The following EPG5 variants were observed in gnomAD, a reference collection of about 807,000 sequenced individuals.
The protein encoded by EPG5 is ectopic P-granules 5 autophagy tethering factor, also known as ectopic P granules protein 5 homolog.
A neutral mutation model predicts 302.7 loss-of-function variants in EPG5; 159 were observed. That is an observed-to-expected ratio of 0.53 (90% CI 0.46 to 0.60). EPG5 has a LOEUF of 0.60. Ranked by LOEUF, EPG5 falls within the 20% of genes least tolerant of loss-of-function variation. The probability of loss-of-function intolerance (pLI) is 0.00; values close to 1 mark genes in which losing one functional copy is unlikely to be tolerated. For synonymous variants in EPG5, 1,158 were observed against 1,136.8 expected (o/e 1.02, Z -0.37); for missense variants, 2,896 against 3,092.4 (o/e 0.94, Z 1.51).
rs1348990806 is a variant in EPG5, at chr18:45,847,679, C to T, written c.*4788G>A. On this transcript the variant is annotated 3_prime_UTR_variant, in exon 44 of 44. Transcript: ENST00000282041. The stretch of plus-strand genomic sequence containing the variant: ...AGTTGTCATTTCTTCCTGTTTCTCA[C>T]CATTATATAAAAACTTACCCTTTGT... 5 of 152,540 alleles carry T rather than the reference C, an allele frequency of 3.3e-5. No individual in the cohort carries two copies. The highest frequency in any genetic ancestry group is 6.5e-5 in the Admixed American group (1 of 15,272). 9.4% of individuals were successfully genotyped at this position (152,540 alleles called of 1,614,324 possible). A position where few individuals can be genotyped will look rare whatever the true frequency, so the allele number is the denominator to read the frequency against.
chr18:45,860,943 G>A (rs2048622249), intron 39 of EPG5, among the ~76,000 whole-genome samples: 1 of 151,996 alleles, frequency 6.6e-6, no homozygotes, highest in Non-Finnish European at 1.5e-5. Context: ...AAAGAGAGAG[G>A]AATTCAAGAA....
In EPG5 at chr18:45,909,271, T is replaced by G. The variant is rs116152997; in HGVS notation, c.4206-1190A>C. On this transcript the variant is annotated intron_variant, in intron 23 of 43. Coordinates refer to ENST00000282041, the MANE Select transcript of EPG5 (RefSeq NM_020964.3). ...AATAGATGGCCACTTTATGAACACA[T>G]ACCAGGAGGGGGATATAACAGAGGC... Among the ~76,000 whole-genome samples, 385 of 152,242 alleles carry G rather than the reference T, an allele frequency of 2.5e-3. 6 individuals are homozygous for G. Among genetic ancestry groups the G allele is most frequent in the African/African-American group, 9.0e-3 (372 of 41,542 alleles).
the EPG5 span, among the ~76,000 whole-genome samples, chr18:45,835,487 G>C: frequency 1.3e-5 from 2 of 152,132 alleles, no homozygotes; most frequent in African/African-American, 4.8e-5. Flanking sequence ...GCTGGCTAGA[G>C]ATTAGGCAGC....
Position 45,867,482 on chromosome 18 carries a change from CA to C in EPG5, c.6411+80del, listed in dbSNP as rs1182499321. On this transcript the variant is annotated intron_variant, in intron 37 of 43. Transcript: ENST00000282041. ...CACACTGATAGGGGCACTGGAAAAA[CA>C]AATGAAAAACTACGACCTAGTAGAA... The C allele has an allele frequency of 4.2e-6, 5 of 1,190,708 alleles. No homozygotes were observed. The East Asian group carries it at 1.2e-4, about 28-fold the overall frequency. The allele number at this position is 1,190,708 out of a possible 1,614,324, so 73.8% of individuals were successfully genotyped here.
At chr18:45,891,050 C>A (rs974068886) in intron 27 of EPG5, among the ~76,000 whole-genome samples, 2 of 152,160 alleles carry the variant, frequency 1.3e-5, no homozygotes, top group East Asian at 3.8e-4. Flanking sequence ...TACATTTTTT[C>A]CTTACATGCA....
intron 10 of EPG5, among the ~76,000 whole-genome samples, chr18:45,936,471 T>C (rs2050525259): frequency 6.6e-6 from 1 of 152,144 alleles, no homozygotes; most frequent in African/African-American, 2.4e-5. Context: ...CTCACGCCTG[T>C]AATCCCAACA....
At chr18:45,887,334 C>T (rs551797436) in intron 29 of EPG5, among the ~76,000 whole-genome samples, 4 of 152,300 alleles carry the variant, frequency 2.6e-5, no homozygotes, top group African/African-American at 9.6e-5. Context: ...GCTCCACACT[C>T]ACCAGCTGAA....
chr18:45,888,786 A>G (rs1412000249), intron 28 of EPG5, among the ~76,000 whole-genome samples: 1 of 152,234 alleles, frequency 6.6e-6, no homozygotes, highest in African/African-American at 2.4e-5. Flanking sequence ...AGGGGAAAAA[A>G]ATCAGCTATA....
At chr18:45,913,649 T>C (rs754032883) in intron 21 of EPG5, 57 bp downstream of exon 21, 1 of 1,597,618 alleles carries the variant, frequency 6.3e-7, no homozygotes, top group Admixed American at 1.7e-5. Flanking sequence ...GGTGAATCCA[T>C]CAGCATCAAA....
At chr18:45,855,716 G>C (rs376684243) in intron 42 of EPG5, 29 bp from the exon 43 acceptor site, 3 of 1,425,086 alleles carry the variant, frequency 2.1e-6, no homozygotes, top group Non-Finnish European at 3.0e-6. Flanking sequence ...GTCAGAAGAA[G>C]TAAATGGCTA....
chr18:45,835,501 GGAAGA>G, the EPG5 span, among the ~76,000 whole-genome samples: 1 of 152,266 alleles, frequency 6.6e-6, no homozygotes, highest in Non-Finnish European at 1.5e-5. Context: ...AGGCAGCTCA[GGAAGA>G]GAAGAGAAAA....
At chr18:45,924,600 T>C (rs776710980) in intron 14 of EPG5, among the ~76,000 whole-genome samples, 1 of 152,212 alleles carries the variant, frequency 6.6e-6, no homozygotes, top group East Asian at 1.9e-4. Flanking sequence ...ATAAGGCCTA[T>C]GGTAAAGAGG....
rs575676819 is a variant in EPG5, at chr18:45,939,771, G to A, written c.1944-16C>T. Reference sequence around the variant, plus strand: ...AAGAGTCATCCTGAGCATGAGGAAAGATAATACAGTACTTTTCATTAGCTC... The same window carrying A: ...AAGAGTCATCCTGAGCATGAGGAAAAATAATACAGTACTTTTCATTAGCTC... On this transcript the variant is annotated splice_polypyrimidine_tract_variant and intron_variant, in intron 9 of 43. Coordinates refer to ENST00000282041, the MANE Select transcript of EPG5 (RefSeq NM_020964.3). The A allele has an allele frequency of 2.1e-4, 340 of 1,610,310 alleles. 1 individual carries two copies. The South Asian group carries it at 3.6e-3, about 17-fold the overall frequency.
chr18:45,965,828 C>T (rs1045020568), intron 1 of EPG5, among the ~76,000 whole-genome samples: 2 of 151,640 alleles, frequency 1.3e-5, no homozygotes, highest in East Asian at 1.9e-4. Flanking sequence ...CCAAGATGGG[C>T]GGATCACCTG....
At chr18:45,911,217 C>T (rs540995869) in intron 22 of EPG5, among the ~76,000 whole-genome samples, 4 of 150,734 alleles carry the variant, frequency 2.7e-5, no homozygotes, top group East Asian at 2.0e-4. Flanking sequence ...CACCTCCTGG[C>T]GACTCTCCTG....
Position 45,943,220 on chromosome 18 carries a change from T to C in EPG5, c.1884A>G (p.Leu628=), listed in dbSNP as rs1264624996. 1 of 1,614,182 alleles carries C rather than the reference T, an allele frequency of 6.2e-7. No individual in the cohort carries two copies. Among genetic ancestry groups the C allele is most frequent in the Non-Finnish European group, 8.5e-7 (1 of 1,180,028 alleles). Residue 628 remains leucine (L), a synonymous_variant, in exon 9 of 44, where the codon TTA becomes TTG. Coordinates refer to ENST00000282041, the MANE Select transcript of EPG5 (RefSeq NM_020964.3). ...NSLVELLAVG[L]ETFNRARYRQ... Reference sequence around the variant, plus strand: ...TATAGCGTGCTCTATTAAAGGTTTCTAACCCCACAGCCAGAAGTTCCACTA... The same window carrying C: ...TATAGCGTGCTCTATTAAAGGTTTCCAACCCCACAGCCAGAAGTTCCACTA...
chr18:45,823,700 A>G, the EPG5 span, among the ~76,000 whole-genome samples: 4 of 152,254 alleles, frequency 2.6e-5, no homozygotes, highest in African/African-American at 9.6e-5. Flanking sequence ...GATACAGACC[A>G]GAAACATGGT....
the EPG5 span, among the ~76,000 whole-genome samples, chr18:45,809,183 T>C: frequency 6.6e-6 from 1 of 152,288 alleles, no homozygotes; most frequent in East Asian, 1.9e-4. Context: ...ATCACAATCC[T>C]AAATATATAT....
chr18:45,838,899 G>C, the EPG5 span: 1 of 1,599,482 alleles, frequency 6.3e-7, no homozygotes, highest in South Asian at 1.1e-5. Flanking sequence ...CCGCCGAACT[G>C]CCCGCACTGA....
Sources: gnomAD v4.1 joint callset for allele counts (sites outside exome capture counted in the v4.1 genomes callset) on GRCh38, gnomAD v4.1.1 for gene constraint, MANE v1.5 for transcripts, NCBI Gene and HGNC (gene_info 2026-07-23, HGNC 2026-07-21) for gene names.